The following SGCZ variants were observed in gnomAD, a reference collection of about 807,000 sequenced individuals.
SGCZ encodes zeta-sarcoglycan.
A neutral mutation model predicts 41.3 loss-of-function variants in SGCZ; 40 were observed. The observed-to-expected ratio is 0.97, with a 90% CI of 0.75 to 1.26. The LOEUF is 1.26. Ranked by LOEUF, SGCZ falls within the 50% of genes most tolerant of loss-of-function variation. SGCZ has a pLI of 0.00. For missense variants in SGCZ, 552 were observed against 369.8 expected (o/e 1.49, Z -4.04); for synonymous variants, 206 against 137.5 (o/e 1.50, Z -3.49).
At chr8:14,728,388 A>AAAC (rs1266035265) in intron 1 of SGCZ, among the ~76,000 whole-genome samples, 1 of 151,806 alleles carries the variant, frequency 6.6e-6, no homozygotes, top group African/African-American at 2.4e-5. Context: ...AGAAAAAAAA[A>AAAC]ACATAATAAA....
intron 1 of SGCZ, among the ~76,000 whole-genome samples, chr8:15,128,287 G>A (rs987952988): frequency 1.5e-4 from 23 of 152,162 alleles, no homozygotes; most frequent in Admixed American, 2.6e-4. Context: ...TGGAAATGCT[G>A]GGTTCCCAAA....
At chr8:14,630,877 G>C (rs183927640) in intron 1 of SGCZ, among the ~76,000 whole-genome samples, 1 of 117,936 alleles carries the variant, frequency 8.5e-6, no homozygotes, top group African/African-American at 3.1e-5. Context: ...GTTGTGGGGT[G>C]GGGGGAGGGG....
chr8:14,919,432 C>G (rs1208105333), intron 1 of SGCZ, among the ~76,000 whole-genome samples: 1 of 152,128 alleles, frequency 6.6e-6, no homozygotes. Flanking sequence ...AAAAGCAAGA[C>G]TCCACCTCTT....
chr8:14,886,380 G>C (rs180919004), intron 1 of SGCZ, among the ~76,000 whole-genome samples: 5 of 152,158 alleles, frequency 3.3e-5, no homozygotes, highest in Non-Finnish European at 7.4e-5. Flanking sequence ...TTATTAGACA[G>C]AGGTGAAAGC....
At chr8:14,762,717 T>C (rs1221426802) in intron 1 of SGCZ, among the ~76,000 whole-genome samples, 1 of 152,236 alleles carries the variant, frequency 6.6e-6, no homozygotes, top group Non-Finnish European at 1.5e-5. Flanking sequence ...ACAGTGTATA[T>C]GTTTATTTGC....
At chr8:14,360,834 T>A (rs991407173) in intron 2 of SGCZ, among the ~76,000 whole-genome samples, 2 of 152,110 alleles carry the variant, frequency 1.3e-5, no homozygotes, top group African/African-American at 2.4e-5. Context: ...CAACTGCATG[T>A]TTAGTATTTT....
intron 1 of SGCZ, among the ~76,000 whole-genome samples, chr8:14,990,368 G>A (rs1037468057): frequency 3.5e-5 from 5 of 144,302 alleles, no homozygotes; most frequent in Admixed American, 1.4e-4. Flanking sequence ...GAACCAGGCC[G>A]CATAGGAGCT....
intron 1 of SGCZ, among the ~76,000 whole-genome samples, chr8:15,034,772 C>T (rs1013641202): frequency 7.4e-6 from 1 of 135,232 alleles, no homozygotes; most frequent in African/African-American, 2.6e-5. Context: ...AACTTTCCAG[C>T]AGTAACTTTA....
chr8:14,406,898 A>G (rs903931843), intron 2 of SGCZ, among the ~76,000 whole-genome samples: 2 of 152,132 alleles, frequency 1.3e-5, no homozygotes, highest in Non-Finnish European at 2.9e-5. Context: ...CTGCTGCTGT[A>G]TACTGCTACT....
At chr8:14,985,265 T>G (rs1801793190) in intron 1 of SGCZ, among the ~76,000 whole-genome samples, 1 of 152,098 alleles carries the variant, frequency 6.6e-6, no homozygotes. Context: ...ATGGAGAGAA[T>G]AAAGCATCCA....
chr8:14,554,394 CT>C (rs1803966136), intron 2 of SGCZ, among the ~76,000 whole-genome samples: 1 of 151,994 alleles, frequency 6.6e-6, no homozygotes, highest in Non-Finnish European at 1.5e-5. Flanking sequence ...TGAAGTATCA[CT>C]TCTAAAAGCA....
intron 1 of SGCZ, among the ~76,000 whole-genome samples, chr8:15,015,451 G>A (rs530684669): frequency 6.6e-6 from 1 of 151,410 alleles, no homozygotes; most frequent in Non-Finnish European, 1.5e-5. Flanking sequence ...TGTAATCCCA[G>A]CACTTTGGGA....
chr8:14,171,158 A>G (rs1029715158), intron 4 of SGCZ, among the ~76,000 whole-genome samples: 40 of 151,572 alleles, frequency 2.6e-4, no homozygotes, highest in Non-Finnish European at 2.4e-4. Flanking sequence ...TTAAAAAAAA[A>G]AAAAAAAAAC....
chr8:14,164,538 TTAAAGAAG>T, intron 5 of SGCZ, 34 bp downstream of exon 5: 1 of 1,610,710 alleles, frequency 6.2e-7, no homozygotes, highest in Non-Finnish European at 8.5e-7. Flanking sequence ...TGTATATTCT[TTAAAGAAG>T]TAAACAATTT....
intron 1 of SGCZ, among the ~76,000 whole-genome samples, chr8:15,178,575 C>T (rs4831689): frequency 0.044 from 6,723 of 152,240 alleles, 228 homozygotes; most frequent in East Asian, 0.1. Flanking sequence ...TTGTTGCTAA[C>T]TCAGATGCAA....
chr8:14,899,620 T>G (rs1217992004), intron 1 of SGCZ, among the ~76,000 whole-genome samples: 1 of 152,126 alleles, frequency 6.6e-6, no homozygotes, highest in Non-Finnish European at 1.5e-5. Flanking sequence ...AGGTTGTAAA[T>G]TGCTGTGCTA....
Position 14,116,382 on chromosome 8 carries a change from C to T in SGCZ, c.548-8147G>A, listed in dbSNP as rs59826294. 2.0e-3 allele frequency among the ~76,000 whole-genome samples: 306 copies of T among 152,126 alleles called. 1 individual carries two copies. Among genetic ancestry groups the T allele is most frequent in the African/African-American group, 6.8e-3 (284 of 41,524 alleles). ...AGATATCTAAGAGACTTTAAAACAT[C>T]AAAGTTTTACCTACAATTTTTTTGG... On this transcript the variant is annotated intron_variant, in intron 5 of 7. Transcript: ENST00000382080.
At chr8:15,139,777 C>G (rs1337728601) in intron 1 of SGCZ, among the ~76,000 whole-genome samples, 1 of 152,164 alleles carries the variant, frequency 6.6e-6, no homozygotes, top group Non-Finnish European at 1.5e-5. Context: ...CCATTTCTCA[C>G]TCTCTCCCCT....
intron 1 of SGCZ, among the ~76,000 whole-genome samples, chr8:14,638,408 G>A (rs13280296): frequency 0.2 from 30,405 of 151,800 alleles, 3,719 homozygotes; most frequent in Non-Finnish European, 0.28. Context: ...CATTCTCAAT[G>A]TCTCCCAGTA....
Sources: gnomAD v4.1 joint callset for allele counts (sites outside exome capture counted in the v4.1 genomes callset) on GRCh38, gnomAD v4.1.1 for gene constraint, MANE v1.5 for transcripts, NCBI Gene and HGNC (gene_info 2026-07-23, HGNC 2026-07-21) for gene names.